EPB41L1: variants seen among roughly 807,000 people sequenced by gnomAD.
The protein encoded by EPB41L1 is band 4.1-like protein 1.
A neutral mutation model predicts 97.8 loss-of-function variants in EPB41L1; 29 were observed. That is an observed-to-expected ratio of 0.30 (90% confidence interval 0.22 to 0.40). The LOEUF is 0.40. EPB41L1 is among the 10% of genes least tolerant of loss of function. EPB41L1 has a pLI of 1.00. For synonymous variants in EPB41L1, 383 were observed against 459.2 expected, an observed-to-expected ratio of 0.83 and a Z score of 2.12; for missense variants, 812 against 1,162.3, an observed-to-expected ratio of 0.70 and a Z score of 4.38.
intron 17 of EPB41L1, among the ~76,000 whole-genome samples, chr20:36,216,524 G>A (rs2063452064): frequency 6.6e-6 from 1 of 152,180 alleles, no homozygotes; most frequent in African/African-American, 2.4e-5. Flanking sequence ...GGGACATGAT[G>A]TCATCAGATA....
chr20:36,162,640 G>C (rs1446646101), intron 1 of EPB41L1, among the ~76,000 whole-genome samples: 1 of 152,206 alleles, frequency 6.6e-6, no homozygotes, highest in African/African-American at 2.4e-5. Context: ...TCGTCATCAG[G>C]ATGGGCCAGG....
At chr20:36,192,619 C>T (rs1207078785) in intron 11 of EPB41L1, among the ~76,000 whole-genome samples, 8 of 151,600 alleles carry the variant, frequency 5.3e-5, no homozygotes, top group Admixed American at 5.3e-4. Flanking sequence ...GGGCAGGCCT[C>T]CAGGCAAGTT....
At position 36,194,241 on chromosome 20, in the gene EPB41L1, G is replaced by A. The variant is rs2062085591; in HGVS notation, c.1330G>A (p.Glu444Lys). 5.0e-6 allele frequency: 8 copies of A among 1,614,008 alleles called. No homozygotes were observed. The highest frequency in any genetic ancestry group is 4.0e-5 in the African/African-American group (3 of 74,932). ...AEFSRPASVS[E>K]NHDAGPDGDK... ...GTTCTCCCGCCCAGCCTCGGTCAGC[G>A]AGAACCATGATGCAGGGCCTGACGG... is the stretch of plus-strand genomic sequence containing the variant. The change falls in exon 12 of 22, where the codon GAG becomes AAG. Residue 444 changes from glutamate to lysine, a missense_variant. This residue lies in a region of EPB41L1 where 498 missense variants were observed against 622.7 expected (regional missense o/e 0.80). Coordinates refer to ENST00000338074, the MANE Select transcript of EPB41L1 (RefSeq NM_012156.2).
At chr20:36,108,558 C>T (rs2058278670) in intron 1 of EPB41L1, among the ~76,000 whole-genome samples, 2 of 151,926 alleles carry the variant, frequency 1.3e-5, no homozygotes, top group African/African-American at 4.8e-5. Context: ...CCTGTAACCC[C>T]AGCTATTTGG....
chr20:36,185,045 T>C, intron 6 of EPB41L1, 72 bp from the exon 7 acceptor site: 1 of 1,470,576 alleles, frequency 6.8e-7, no homozygotes, highest in Non-Finnish European at 9.5e-7. Flanking sequence ...TTAGTTCTGA[T>C]GGACAGCTGT....
chr20:36,201,725 T>G (rs1600915354), intron 14 of EPB41L1, among the ~76,000 whole-genome samples: 1 of 152,194 alleles, frequency 6.6e-6, no homozygotes, highest in Non-Finnish European at 1.5e-5. Flanking sequence ...TTGAACTTCC[T>G]GTGGCCCTTC....
intron 2 of EPB41L1, among the ~76,000 whole-genome samples, chr20:36,124,257 A>AAAAAC (rs1051688892): frequency 7.2e-5 from 11 of 152,156 alleles, no homozygotes; most frequent in East Asian, 1.9e-4. Flanking sequence ...TCCGTCTCAA[A>AAAAAC]AAAACAAAAC....
chr20:36,170,933 CT>C (rs1229781082), intron 1 of EPB41L1, among the ~76,000 whole-genome samples: 1 of 152,062 alleles, frequency 6.6e-6, no homozygotes, highest in Non-Finnish European at 1.5e-5. Context: ...CAGAGGAAGA[CT>C]GGGATATTTA....
chr20:36,163,798 T>C (rs534466376), intron 1 of EPB41L1, among the ~76,000 whole-genome samples: 6 of 152,020 alleles, frequency 3.9e-5, no homozygotes, highest in Middle Eastern at 3.4e-3. Context: ...GAGAGAGAAA[T>C]TGGGGAAGAT....
intron 13 of EPB41L1, among the ~76,000 whole-genome samples, chr20:36,196,349 C>T (rs2062201788): frequency 6.6e-6 from 1 of 152,214 alleles, no homozygotes; most frequent in Admixed American, 6.5e-5. Flanking sequence ...CTACAGCCTT[C>T]AGGGACATAA....
rs2063018198 is a variant in EPB41L1, at chr20:36,209,637, C to T, written c.1818C>T (p.Ser606=). 1.9e-6 allele frequency: 3 copies of T among 1,614,198 alleles called. No individual in the cohort carries two copies. Among genetic ancestry groups the T allele is most frequent in the East Asian group, 2.2e-5 (1 of 44,878 alleles). ...DNHLAIERKC[S]SITVSSTSSL... ...ACCTGGCCATTGAGCGCAAGTGCTCCAGCATCACGGTCAGCTCTACGTCTA... is the reference window on the plus strand; with the variant it reads ...ACCTGGCCATTGAGCGCAAGTGCTCTAGCATCACGGTCAGCTCTACGTCTA... The change falls in exon 15 of 22, where the codon TCC becomes TCT. Residue 606 remains serine (S), a synonymous_variant. Coordinates refer to ENST00000338074, the MANE Select transcript of EPB41L1 (RefSeq NM_012156.2). This position sits in a 1 kb window ranked among gnomAD's most constrained non-coding sequence, Gnocchi z 4.2.
rs2064462419 is a variant in EPB41L1 at position 36,230,860 on chromosome 20, A to G, written c.*1520A>G. ...CCAAAGGGAGGTGGTGCTCTCAGCC[A>G]TTGTAGAAGATGGTGGCTTTAACCT... On this transcript the variant is annotated 3_prime_UTR_variant, in exon 22 of 22. Transcript: ENST00000338074. The G allele has an allele frequency of 6.6e-6, 1 of 151,436 alleles. No individual in the cohort carries two copies. Among genetic ancestry groups the G allele is most frequent in the African/African-American group, 2.4e-5 (1 of 41,112 alleles). The allele number at this position is 151,436 out of a possible 1,614,324, so 9.4% of individuals were successfully genotyped here. A position where few individuals can be genotyped will look rare whatever the true frequency, so the allele number is the denominator to read the frequency against.
intron 2 of EPB41L1, among the ~76,000 whole-genome samples, chr20:36,135,420 G>A (rs1043570985): frequency 1.3e-5 from 2 of 152,206 alleles, no homozygotes; most frequent in Non-Finnish European, 2.9e-5. Flanking sequence ...ATAAGCATGA[G>A]GTCAGGAGTC....
intron 8 of EPB41L1, 92 bp downstream of exon 8, chr20:36,187,855 G>GT: frequency 1.9e-6 from 2 of 1,059,990 alleles, no homozygotes; most frequent in Admixed American, 3.9e-5. Context: ...GCCAGACCCT[G>GT]TGTTACCTCC....
At position 36,113,408 on chromosome 20, in the gene EPB41L1, TTGTGTGTGTGTGTGTG is replaced by T. The variant is rs3057822; in HGVS notation, c.-10+960_-10+975del. Among the ~76,000 whole-genome samples, 804 of 143,548 alleles carry T rather than the reference TTGTGTGTGTGTGTGTG, an allele frequency of 5.6e-3. 9 individuals carry two copies. The highest frequency in any genetic ancestry group is 0.014 in the East Asian group (66 of 4,792). The allele number at this position is 143,548 out of a possible 152,430, so 94.2% of individuals were successfully genotyped here. ...TTGTACCCCTAGGGAAACTTTCCAT[TTGTGTGTGTGTGTGTG>T]TGTGTGTGTGTGTGTGTGTGTGTGT... On this transcript the variant is annotated intron_variant, in intron 2 of 19. Transcript: ENST00000202028.
rs77452507 is a variant in EPB41L1 at position 36,214,645 on chromosome 20, A to T, written c.2268+205A>T. Reference sequence around the variant, plus strand: ...AGGCCTCAGTTTTCCAAAGTGAGTAATGTGGGCGATGGAATCCCCACTGAT... The same window carrying T: ...AGGCCTCAGTTTTCCAAAGTGAGTATTGTGGGCGATGGAATCCCCACTGAT... On this transcript the variant is annotated intron_variant, in intron 17 of 21. Coordinates refer to ENST00000338074, the MANE Select transcript of EPB41L1 (RefSeq NM_012156.2). 7.8e-3 allele frequency among the ~76,000 whole-genome samples: 1,182 copies of T among 152,286 alleles called. 10 individuals are homozygous for T. The highest frequency in any genetic ancestry group is 0.027 in the African/African-American group (1,135 of 41,566).
chr20:36,199,128 C>A (rs1447450804), intron 14 of EPB41L1, among the ~76,000 whole-genome samples: 1 of 152,124 alleles, frequency 6.6e-6, no homozygotes, highest in Non-Finnish European at 1.5e-5. Flanking sequence ...TAGAGGCATT[C>A]ACAGACGACT....
intron 1 of EPB41L1, among the ~76,000 whole-genome samples, chr20:36,170,042 C>T (rs1401748347): frequency 1.3e-5 from 2 of 152,204 alleles, no homozygotes; most frequent in African/African-American, 4.8e-5. Context: ...ACGTGACGGG[C>T]TATGTCAGAA....
rs541603707 is a variant in EPB41L1 at position 36,222,799 on chromosome 20, G to A, written c.2637+405G>A. On this transcript the variant is annotated intron_variant, in intron 21 of 21. Transcript: ENST00000338074. ...AAAGTCCTACTAGGCCCAGTGCCAC[G>A]TTCCTGGCCCTGAGTCTCTCTCTCT... Among the ~76,000 whole-genome samples the A allele has an allele frequency of 4.6e-5, 7 of 152,320 alleles. 1 individual carries two copies. Among genetic ancestry groups the A allele is most frequent in the Admixed American group, 3.3e-4 (5 of 15,306 alleles).
Sources: allele counts gnomAD v4.1 joint callset (sites outside exome capture counted in the v4.1 genomes callset), GRCh38; gene constraint gnomAD v4.1.1; regional missense constraint gnomAD v4.1.1; non-coding constraint Gnocchi (gnomAD v3.1); transcripts MANE v1.5; gene names NCBI Gene and HGNC (gene_info 2026-07-23, HGNC 2026-07-21).